Variants in ZMAT4 observed in about 807,000 individuals in gnomAD.
ZMAT4 encodes zinc finger matrin-type protein 4.
In ZMAT4, 17 loss-of-function variants were observed where a neutral mutation model predicts 28.7. That is an observed-to-expected ratio of 0.59 (90% CI 0.41 to 0.89). ZMAT4 has a LOEUF of 0.89. Among genes scored for constraint, ZMAT4 ranks in the 40% least tolerant of loss-of-function variants. The pLI is 0.00. For synonymous variants in ZMAT4, 117 were observed against 109.2 expected (o/e 1.07, Z -0.44); for missense variants, 240 against 283.8 (o/e 0.85, Z 1.11).
chr8:40,577,984 G>A (rs991287563), intron 6 of ZMAT4, among the ~76,000 whole-genome samples: 2 of 152,112 alleles, frequency 1.3e-5, no homozygotes, highest in Non-Finnish European at 2.9e-5. Flanking sequence ...TTATGGATTA[G>A]AAAACTCAGT....
intron 3 of ZMAT4, among the ~76,000 whole-genome samples, chr8:40,756,426 TTA>T (rs72008675): frequency 0.37 from 27,079 of 73,360 alleles, 5,155 homozygotes; most frequent in Non-Finnish European, 0.42. Context: ...AAATGTTCTT[TTA>T]TATATATATA....
At chr8:40,845,985 G>A (rs1816881585) in intron 1 of ZMAT4, among the ~76,000 whole-genome samples, 2 of 152,106 alleles carry the variant, frequency 1.3e-5, no homozygotes, top group Middle Eastern at 3.4e-3. Flanking sequence ...CCTGGAATTC[G>A]AAGGTTTGGA....
At chr8:40,808,659 C>A in intron 2 of ZMAT4, 1 of 388,788 alleles carries the variant, frequency 2.6e-6, no homozygotes, top group South Asian at 2.0e-5. Flanking sequence ...GACATCTTCA[C>A]TCAGGGGAGG....
intron 1 of ZMAT4, among the ~76,000 whole-genome samples, chr8:40,837,549 C>T (rs1816540726): frequency 6.6e-6 from 1 of 152,166 alleles, no homozygotes; most frequent in Non-Finnish European, 1.5e-5. Flanking sequence ...CCAGTGAAAC[C>T]TCTTATGTGC....
chr8:40,659,654 C>A (rs1431769073), intron 5 of ZMAT4, among the ~76,000 whole-genome samples: 1 of 152,106 alleles, frequency 6.6e-6, no homozygotes, highest in Admixed American at 6.6e-5. Context: ...CACAGACTCA[C>A]AATTTATTGT....
intron 2 of ZMAT4, among the ~76,000 whole-genome samples, chr8:40,816,264 C>T (rs1300415230): frequency 6.6e-6 from 1 of 152,132 alleles, no homozygotes; most frequent in African/African-American, 2.4e-5. Context: ...ATCAGTTCCC[C>T]AGATACCAGT....
intron 1 of ZMAT4, among the ~76,000 whole-genome samples, chr8:40,840,960 T>C (rs1224726506): frequency 2.6e-5 from 4 of 152,162 alleles, no homozygotes; most frequent in Non-Finnish European, 4.4e-5. Context: ...AATGAGATAT[T>C]ACAAGCCACC....
At chr8:40,707,603 G>A (rs1810416958) in intron 3 of ZMAT4, among the ~76,000 whole-genome samples, 1 of 150,652 alleles carries the variant, frequency 6.6e-6, no homozygotes, top group Non-Finnish European at 1.5e-5. Context: ...TTGTGTGTGA[G>A]TATGTATATG....
intron 3 of ZMAT4, among the ~76,000 whole-genome samples, chr8:40,744,525 C>G (rs1453212611): frequency 1.3e-5 from 2 of 152,126 alleles, no homozygotes; most frequent in African/African-American, 2.4e-5. Context: ...CATTTCTGTC[C>G]TAAGCAAAAG....
intron 6 of ZMAT4, among the ~76,000 whole-genome samples, chr8:40,541,723 G>GA (rs1488356031): frequency 2.0e-5 from 3 of 151,986 alleles, no homozygotes; most frequent in East Asian, 1.9e-4. Context: ...AAAATAAAAT[G>GA]AAAAAAATAA....
At chr8:40,847,218 C>CA (rs3070386) in intron 1 of ZMAT4, among the ~76,000 whole-genome samples, 6,400 of 120,286 alleles carry the variant, frequency 0.053, 222 homozygotes, top group African/African-American at 0.092. Context: ...AACAAACAAA[C>CA]AAAAAAAAAA....
intron 5 of ZMAT4, among the ~76,000 whole-genome samples, chr8:40,625,925 A>G (rs1469002697): frequency 6.6e-6 from 1 of 152,166 alleles, no homozygotes; most frequent in Non-Finnish European, 1.5e-5. Context: ...CAGCCTGGCC[A>G]ACATGGAGAA....
At chr8:40,741,321 C>G (rs1811993415) in intron 3 of ZMAT4, among the ~76,000 whole-genome samples, 1 of 151,836 alleles carries the variant, frequency 6.6e-6, no homozygotes, top group Admixed American at 6.6e-5. Context: ...GTGGCATGCA[C>G]CTATAATCCA....
At chr8:40,836,688 T>A (rs1816502049) in intron 1 of ZMAT4, among the ~76,000 whole-genome samples, 1 of 151,206 alleles carries the variant, frequency 6.6e-6, no homozygotes, top group Non-Finnish European at 1.5e-5. Context: ...TGGGCATACA[T>A]GTAGAAAAGA....
chr8:40,802,670 T>A (rs1368589208), intron 2 of ZMAT4, among the ~76,000 whole-genome samples: 1 of 152,090 alleles, frequency 6.6e-6, no homozygotes, highest in African/African-American at 2.4e-5. Flanking sequence ...TCAATCCCAA[T>A]CAAAATCTGA....
intron 6 of ZMAT4, among the ~76,000 whole-genome samples, chr8:40,539,407 A>G (rs569492870): frequency 6.6e-6 from 1 of 152,310 alleles, no homozygotes; most frequent in South Asian, 2.1e-4. Context: ...AAGAAAAACA[A>G]TTAGGTGTTG....
At chr8:40,853,980 G>T (rs1817208548) in intron 1 of ZMAT4, among the ~76,000 whole-genome samples, 1 of 152,182 alleles carries the variant, frequency 6.6e-6, no homozygotes, top group Non-Finnish European at 1.5e-5. Context: ...GAGGCTTCAG[G>T]ACACTTTTAC....
intron 2 of ZMAT4, among the ~76,000 whole-genome samples, chr8:40,807,022 T>C (rs1451938606): frequency 6.6e-6 from 1 of 151,558 alleles, no homozygotes; most frequent in Non-Finnish European, 1.5e-5. Flanking sequence ...CCAGTGTATC[T>C]TTCTGTGTAC....
At chr8:40,685,176 G>A (rs1809347543) in intron 4 of ZMAT4, among the ~76,000 whole-genome samples, 1 of 152,164 alleles carries the variant, frequency 6.6e-6, no homozygotes, top group African/African-American at 2.4e-5. Flanking sequence ...TAGAATTCTT[G>A]AGATCAGATG....
Sources: gnomAD v4.1 joint callset for allele counts (sites outside exome capture counted in the v4.1 genomes callset) on GRCh38, gnomAD v4.1.1 for gene constraint, MANE v1.5 for transcripts, NCBI Gene and HGNC (gene_info 2026-07-23, HGNC 2026-07-21) for gene names.